The following PRKCH variants were observed in gnomAD, a reference collection of about 807,000 sequenced individuals.
The protein encoded by PRKCH is protein kinase C eta type.
Under a neutral mutation model 82.5 loss-of-function variants are expected in PRKCH, and 28 were observed. That is an observed-to-expected ratio of 0.34 (90% CI 0.25 to 0.47). PRKCH has a LOEUF of 0.47. Among genes scored for constraint, PRKCH ranks in the 20% least tolerant of loss-of-function variants. PRKCH has a pLI of 1.00. For missense variants in PRKCH, 705 were observed against 881.8 expected (o/e 0.80, Z 2.54); for synonymous variants, 322 against 327.4 (o/e 0.98, Z 0.18).
At chr14:61,290,688 G>T (rs2045353420) in intron 1 of PRKCH, among the ~76,000 whole-genome samples, 1 of 152,112 alleles carries the variant, frequency 6.6e-6, no homozygotes, top group Non-Finnish European at 1.5e-5. Context: ...AAAAGAAATG[G>T]GTGCATTGCT....
intron 10 of PRKCH, among the ~76,000 whole-genome samples, chr14:61,491,370 A>G (rs779022759): frequency 1.3e-5 from 2 of 152,176 alleles, no homozygotes; most frequent in African/African-American, 4.8e-5. Flanking sequence ...TGTTGTTTGT[A>G]TAGTCCTTGT....
chr14:61,326,939 G>T (rs1470730438), intron 1 of PRKCH: 1 of 364,820 alleles, frequency 2.7e-6, no homozygotes, highest in Non-Finnish European at 5.6e-6. Context: ...CTTCTTTCGT[G>T]TACTTGCTCT....
At chr14:61,441,468 G>T (rs1466840385) in intron 2 of PRKCH, among the ~76,000 whole-genome samples, 3 of 152,110 alleles carry the variant, frequency 2.0e-5, no homozygotes, top group Non-Finnish European at 4.4e-5. Flanking sequence ...TTAAGTATTT[G>T]CCAGCTTAAG....
At chr14:61,220,227 T>A (rs1464289142) in intron 1 of PRKCH, among the ~76,000 whole-genome samples, 1 of 152,208 alleles carries the variant, frequency 6.6e-6, no homozygotes, top group Non-Finnish European at 1.5e-5. Context: ...CCTGATCGCC[T>A]TCATCCAAGG....
At chr14:61,380,409 A>G (rs1258204478) in intron 1 of PRKCH, among the ~76,000 whole-genome samples, 2 of 149,544 alleles carry the variant, frequency 1.3e-5, no homozygotes, top group African/African-American at 4.8e-5. Flanking sequence ...AGTTCTGGAG[A>G]GCAGAGTCTT....
At chr14:61,198,204 T>G (rs936185419) in intron 1 of PRKCH, among the ~76,000 whole-genome samples, 2 of 152,230 alleles carry the variant, frequency 1.3e-5, no homozygotes, top group African/African-American at 2.4e-5. Context: ...TTTCTCTGCA[T>G]TAGCCATCCA....
intron 1 of PRKCH, among the ~76,000 whole-genome samples, chr14:61,329,234 C>CTTTTTTTCTTTTTTTTT (rs1476293025): frequency 3.8e-4 from 24 of 63,460 alleles, no homozygotes; most frequent in South Asian, 1.3e-3. Context: ...ACTCCTGAGT[C>CTTTTTTTCTTTTTTTTT]TTTTTTTTTT....
chr14:61,388,045 G>A (rs932135019), intron 1 of PRKCH, among the ~76,000 whole-genome samples: 9 of 151,828 alleles, frequency 5.9e-5, no homozygotes, highest in Non-Finnish European at 1.2e-4. Flanking sequence ...CTATGTGGGA[G>A]GCTGAGGCAG....
chr14:61,457,678 C>A lies in PRKCH; in HGVS notation c.1277C>A (p.Pro426His), dbSNP rs775801472. ...LTQLFCCFQT[P>H]DRLFFVMEFV... ...CAGTTGTTCTGCTGCTTTCAGACCC[C>A]CGTAAGTATGAATCACATTCACTGC... The change falls in exon 9 of 14, where the codon CCC (proline) becomes CAC (histidine). Residue 426 changes from proline to histidine, a missense_variant and splice_region_variant. This residue lies in a region of PRKCH where 238 missense variants were observed against 258.1 expected (regional missense o/e 0.92). Coordinates refer to ENST00000332981, the MANE Select transcript of PRKCH (RefSeq NM_006255.5). 13 of 1,613,820 alleles carry A rather than the reference C, an allele frequency of 8.1e-6. No individual in the cohort carries two copies. The highest frequency in any genetic ancestry group is 9.3e-6 in the Non-Finnish European group (11 of 1,179,886).
intron 9 of PRKCH, among the ~76,000 whole-genome samples, chr14:61,482,554 C>A (rs527346940): frequency 4.3e-4 from 65 of 152,268 alleles, no homozygotes; most frequent in African/African-American, 1.5e-3. Context: ...TGCATTAAGT[C>A]GTCGTCGTGT....
intron 1 of PRKCH, among the ~76,000 whole-genome samples, chr14:61,390,075 T>TA (rs1048337987): frequency 2.0e-5 from 3 of 152,178 alleles, no homozygotes; most frequent in African/African-American, 7.2e-5. Context: ...AGGACAATTG[T>TA]AAATTCATGT....
chr14:61,428,112 C>CACATATAG (rs1391102641), intron 2 of PRKCH, among the ~76,000 whole-genome samples: 1 of 145,524 alleles, frequency 6.9e-6, no homozygotes, highest in Non-Finnish European at 1.5e-5. Context: ...TATATACACA[C>CACATATAG]ATATATATAT....
At chr14:61,286,540 G>A (rs1466907064) in intron 1 of PRKCH, among the ~76,000 whole-genome samples, 1 of 152,188 alleles carries the variant, frequency 6.6e-6, no homozygotes. Flanking sequence ...ACTTTGGGAG[G>A]CCGAGGCGGG....
chr14:61,331,812 T>C (rs1221220892), intron 1 of PRKCH, among the ~76,000 whole-genome samples: 17 of 152,240 alleles, frequency 1.1e-4, no homozygotes, highest in South Asian at 2.1e-4. Context: ...ACTGTCAAAA[T>C]GAATTATGTG....
At chr14:61,469,455 T>A (rs1042081256) in intron 9 of PRKCH, among the ~76,000 whole-genome samples, 2 of 152,200 alleles carry the variant, frequency 1.3e-5, no homozygotes, top group African/African-American at 4.8e-5. Context: ...AGCCAACTGA[T>A]TGCTTTAAGC....
intron 1 of PRKCH, among the ~76,000 whole-genome samples, chr14:61,292,076 A>G (rs1318278217): frequency 6.6e-6 from 1 of 152,180 alleles, no homozygotes; most frequent in East Asian, 1.9e-4. Flanking sequence ...AGGAAGTGGC[A>G]TGTATTTTAG....
Position 61,457,261 on chromosome 14 carries a change from G to T in PRKCH, c.1046G>T (p.Arg349Leu). 2 of 1,614,190 alleles carry T rather than the reference G, an allele frequency of 1.2e-6. No homozygotes were observed. The highest frequency in any genetic ancestry group is 1.7e-6 in the Non-Finnish European group (2 of 1,180,032). Residue 349 changes from arginine to leucine, a missense_variant, in exon 8 of 14, where the codon CGA becomes CTA. By Grantham distance (102) the Arg-to-Leu change is moderately radical. Transcript: ENST00000332981. The stretch of plus-strand genomic sequence containing the variant: ...GGGATTGGGGTTAATTCTTCCAACC[G>T]ACTTGGTATCGACAACTTTGAGTTC... ...GNGIGVNSSN[R>L]LGIDNFEFIR...
At chr14:61,388,963 T>G (rs2046631512) in intron 1 of PRKCH, among the ~76,000 whole-genome samples, 2 of 152,254 alleles carry the variant, frequency 1.3e-5, no homozygotes, top group Admixed American at 1.3e-4. Flanking sequence ...GCATCTTTTA[T>G]TTTGAAAAAG....
intron 1 of PRKCH, among the ~76,000 whole-genome samples, chr14:61,253,191 T>C (rs971309628): frequency 8.5e-5 from 13 of 152,236 alleles, no homozygotes; most frequent in African/African-American, 2.2e-4. Flanking sequence ...TTAATACTTA[T>C]GTTAAGCAAT....
Sources: gnomAD v4.1 joint callset for allele counts (sites outside exome capture counted in the v4.1 genomes callset) on GRCh38, gnomAD v4.1.1 for gene constraint, gnomAD v4.1.1 regional missense constraint, MANE v1.5 for transcripts, NCBI Gene and HGNC (gene_info 2026-07-23, HGNC 2026-07-21) for gene names.